BEND5: variants seen among roughly 807,000 people sequenced by gnomAD.
The protein encoded by BEND5 is BEN domain containing 5.
A neutral mutation model predicts 43.9 loss-of-function variants in BEND5; 22 were observed. That is an observed-to-expected ratio of 0.50 (90% CI 0.36 to 0.72). The LOEUF (loss-of-function observed/expected upper bound fraction) is 0.72. BEND5 is among the 30% of genes least tolerant of loss of function. The pLI, the probability that BEND5 is intolerant of heterozygous loss-of-function variation, is 0.00. For missense variants in BEND5, 428 were observed against 550.6 expected, an observed-to-expected ratio of 0.78 and a Z score of 2.23; for synonymous variants, 228 against 225.9, an observed-to-expected ratio of 1.01 and a Z score of -0.08.
At chr1:48,735,445 A>C (rs1370244839) in intron 5 of BEND5, among the ~76,000 whole-genome samples, 2 of 151,510 alleles carry the variant, frequency 1.3e-5, no homozygotes, top group African/African-American at 4.9e-5. Context: ...AGAGAGGAGG[A>C]AGGAGAGAAA....
intron 3 of BEND5, among the ~76,000 whole-genome samples, chr1:48,754,356 A>G (rs565526775): frequency 2.0e-5 from 3 of 152,222 alleles, no homozygotes; most frequent in African/African-American, 7.2e-5. Context: ...CTACTTGTGC[A>G]TTGTTTTTTA....
chr1:48,740,357 T>C (rs992965762), intron 4 of BEND5, among the ~76,000 whole-genome samples: 10 of 152,198 alleles, frequency 6.6e-5, no homozygotes, highest in Non-Finnish European at 1.5e-4. Flanking sequence ...TCTAACCTGT[T>C]ATGTAATTAT....
intron 2 of BEND5, among the ~76,000 whole-genome samples, chr1:48,759,553 C>T (rs2148657949): frequency 6.6e-6 from 1 of 152,314 alleles, no homozygotes. Flanking sequence ...TTTTCCTTTT[C>T]ACCACTCTGC....
chr1:48,740,571 A>G (rs1432982489), intron 4 of BEND5, among the ~76,000 whole-genome samples: 2 of 152,232 alleles, frequency 1.3e-5, no homozygotes, highest in Admixed American at 1.3e-4. Flanking sequence ...CTATTTGACC[A>G]AAGTGTTAGT....
At chr1:48,738,710 T>A (rs2148584633) in intron 4 of BEND5, among the ~76,000 whole-genome samples, 2 of 152,352 alleles carry the variant, frequency 1.3e-5, no homozygotes, top group Admixed American at 1.3e-4. Context: ...CCACCACTGA[T>A]CCTTGCTTTC....
chr1:48,767,043 T>C (rs1311053411), intron 1 of BEND5, among the ~76,000 whole-genome samples: 1 of 152,178 alleles, frequency 6.6e-6, no homozygotes, highest in Non-Finnish European at 1.5e-5. Context: ...TATAGATACC[T>C]CACATCCATA....
chr1:48,762,708 C>CTTCT (rs1210260382), intron 1 of BEND5, among the ~76,000 whole-genome samples: 8 of 151,614 alleles, frequency 5.3e-5, no homozygotes, highest in Middle Eastern at 3.4e-3. Flanking sequence ...CCAGGCCAGG[C>CTTCT]TTCTCTCCTA....
chr1:48,775,269 A>G (rs1645021219), intron 1 of BEND5, among the ~76,000 whole-genome samples: 2 of 152,150 alleles, frequency 1.3e-5, no homozygotes, highest in Non-Finnish European at 2.9e-5. Flanking sequence ...GCTGCTGGTC[A>G]GTTTCCAGTT....
chr1:48,776,331 AGAG>A (rs1304482897), intron 1 of BEND5, among the ~76,000 whole-genome samples: 2 of 152,216 alleles, frequency 1.3e-5, no homozygotes, highest in Admixed American at 6.5e-5. Context: ...AGAATCAGAA[AGAG>A]GAGGACAGAC....
rs1394952295 is a variant in BEND5 at position 48,776,727 on chromosome 1, C to T, written c.105G>A (p.Gln35=). The T allele has an allele frequency of 4.6e-6, 7 of 1,528,500 alleles. No homozygotes were observed. Among genetic ancestry groups the T allele is most frequent in the Non-Finnish European group, 6.1e-6 (7 of 1,138,340 alleles). 94.7% of individuals were successfully genotyped at this position (1,528,500 alleles called of 1,614,324 possible). ...GGCCCCGGTACACGGCGTACACCTT[C>T]TGGTTGTCAAAATCCAGCCGCGAGC... ...SPRSRLDFDN[Q]KVYAVYRGPE... The change falls in exon 1 of 6, where the codon CAG becomes CAA. Residue 35 remains glutamine, a synonymous_variant. Coordinates refer to ENST00000371833, the MANE Select transcript of BEND5 (RefSeq NM_024603.4).
At chr1:48,769,148 G>A (rs531484282) in intron 1 of BEND5, among the ~76,000 whole-genome samples, 1 of 152,148 alleles carries the variant, frequency 6.6e-6, no homozygotes, top group Admixed American at 6.5e-5. Context: ...CCAGTCACAG[G>A]GACTTCCAGG....
chr1:48,751,193 T>C (rs1264269745), intron 3 of BEND5, among the ~76,000 whole-genome samples: 1 of 152,200 alleles, frequency 6.6e-6, no homozygotes, highest in Non-Finnish European at 1.5e-5. Flanking sequence ...GTCCAATTGG[T>C]ATCTTGAGGC....
At chr1:48,762,614 TTGTGTGTGTGTGTGTG>T (rs58396843) in intron 1 of BEND5, among the ~76,000 whole-genome samples, 18 of 75,182 alleles carry the variant, frequency 2.4e-4, no homozygotes, top group Non-Finnish European at 3.0e-4. Context: ...TTTAAGGGTT[TTGTGTGTGTGTGTGTG>T]TGTGTGTGTG....
chr1:48,752,183 G>T (rs1006799499), intron 3 of BEND5, among the ~76,000 whole-genome samples: 2 of 152,106 alleles, frequency 1.3e-5, no homozygotes, highest in African/African-American at 4.8e-5. Context: ...TTGTCCACCC[G>T]CTTTGGGCCT....
rs946476959 is a variant in BEND5, at chr1:48,776,646, G to A, written c.186C>T (p.Gly62=). 4 of 1,484,758 alleles carry A rather than the reference G, an allele frequency of 2.7e-6. No homozygotes were observed. The highest frequency in any genetic ancestry group is 2.6e-5 in the Admixed American group (1 of 38,818). The allele number at this position is 1,484,758 out of a possible 1,614,324, so 92.0% of individuals were successfully genotyped here. The change falls in exon 1 of 6, where the codon GGC becomes GGT. Residue 62 remains glycine, a synonymous_variant. Transcript: ENST00000371833. ...TCTGGGCCTTGTGGAGCAACAGCGC[G>A]CCCCAGTCGCGGGGGGCGCGCGGGG... The part of the protein sequence containing the change: ...ESPPRAPRDW[G]ALLLHKAQIL...
In BEND5 at chr1:48,761,530, T is replaced by C. The variant is rs886425500; in HGVS notation, c.227-60A>G. The C allele has an allele frequency of 4.0e-6, 6 of 1,488,804 alleles. No homozygotes were observed. In the Admixed American group the frequency reaches 1.1e-4, roughly 27 times the overall value. 92.2% of individuals were successfully genotyped at this position (1,488,804 alleles called of 1,614,324 possible). On this transcript the variant is annotated intron_variant, in intron 1 of 5. Coordinates refer to ENST00000371833, the MANE Select transcript of BEND5 (RefSeq NM_024603.4). The stretch of plus-strand genomic sequence containing the variant: ...GAGTTAAAATGAGTCATTATGAGTT[T>C]AGAATGCCCAAAACCTCAAATGCTA...
At chr1:48,730,061 A>G (rs1406835874) in intron 5 of BEND5, among the ~76,000 whole-genome samples, 2 of 152,164 alleles carry the variant, frequency 1.3e-5, no homozygotes, top group Admixed American at 6.5e-5. Context: ...AGCTTTCTTG[A>G]AACCTAGTAT....
Position 48,741,864 on chromosome 1 carries a change from AC to A in BEND5, c.894+758del, listed in dbSNP as rs1185906497. 2.0e-5 allele frequency among the ~76,000 whole-genome samples: 3 copies of A among 152,356 alleles called. No individual in the cohort carries two copies. The South Asian group carries it at 6.2e-4, about 32-fold the overall frequency. ...AAAGCTGAATTTCACCAGTGCCAAC[AC>A]AAAGGGCTCTGATGTACTTCTTCAA... On this transcript the variant is annotated intron_variant, in intron 4 of 5. Coordinates refer to ENST00000371833, the MANE Select transcript of BEND5 (RefSeq NM_024603.4).
At chr1:48,756,674 T>G (rs1643947107) in intron 3 of BEND5, among the ~76,000 whole-genome samples, 1 of 152,212 alleles carries the variant, frequency 6.6e-6, no homozygotes, top group African/African-American at 2.4e-5. Context: ...ATCCTTTTAT[T>G]TTATTCTTGC....
Sources: gnomAD v4.1 joint callset for allele counts (sites outside exome capture counted in the v4.1 genomes callset) on GRCh38, gnomAD v4.1.1 for gene constraint, MANE v1.5 for transcripts, NCBI Gene and HGNC (gene_info 2026-07-23, HGNC 2026-07-21) for gene names.